The following SLC24A3 variants were observed in gnomAD, a reference collection of about 807,000 sequenced individuals.
SLC24A3 encodes the protein solute carrier family 24 member 3.
In SLC24A3, 28 loss-of-function variants were observed where a neutral mutation model predicts 75.8. The ratio of observed to expected loss-of-function variants is 0.37; its 90% CI spans 0.27 to 0.51. The LOEUF is 0.51. Among genes scored for constraint, SLC24A3 ranks in the 20% least tolerant of loss-of-function variants. The pLI, the probability that SLC24A3 is intolerant of heterozygous loss-of-function variation, is 0.94. For synonymous variants in SLC24A3, 372 were observed against 334.1 expected (o/e 1.11, Z -1.24); for missense variants, 663 against 847.8 (o/e 0.78, Z 2.71).
At chr20:19,560,206 T>C (rs866406475) in intron 3 of SLC24A3, among the ~76,000 whole-genome samples, 2 of 152,140 alleles carry the variant, frequency 1.3e-5, no homozygotes, top group Admixed American at 6.6e-5. Flanking sequence ...ATTAAAGAGC[T>C]GATAACACTG....
intron 2 of SLC24A3, among the ~76,000 whole-genome samples, chr20:19,363,378 C>G (rs1241811494): frequency 6.6e-6 from 1 of 152,240 alleles, no homozygotes; most frequent in Non-Finnish European, 1.5e-5. Context: ...CATTGGACAG[C>G]TTTATGCAGA....
intron 2 of SLC24A3, among the ~76,000 whole-genome samples, chr20:19,328,194 G>C (rs2122288518): frequency 6.6e-6 from 1 of 152,192 alleles, no homozygotes; most frequent in East Asian, 1.9e-4. Flanking sequence ...GGCACAGAGG[G>C]TCAGTGTGGC....
intron 2 of SLC24A3, among the ~76,000 whole-genome samples, chr20:19,309,896 C>T (rs6035289): frequency 0.15 from 23,435 of 152,056 alleles, 4,425 homozygotes; most frequent in African/African-American, 0.43. Context: ...CAAGCTTTCA[C>T]GCCCCAGGAG....
intron 2 of SLC24A3, among the ~76,000 whole-genome samples, chr20:19,509,731 G>A (rs16980708): frequency 0.015 from 2,226 of 152,326 alleles, 61 homozygotes; most frequent in African/African-American, 0.051. Flanking sequence ...TCATCCCACT[G>A]AGACTTATCA....
At chr20:19,481,587 C>T (rs527404058) in intron 2 of SLC24A3, among the ~76,000 whole-genome samples, 13 of 152,102 alleles carry the variant, frequency 8.5e-5, no homozygotes, top group East Asian at 1.9e-4. Context: ...CACAAGTCTA[C>T]GAAAGGACTA....
chr20:19,397,504 C>T (rs983340684), intron 2 of SLC24A3, among the ~76,000 whole-genome samples: 1 of 152,142 alleles, frequency 6.6e-6, no homozygotes, highest in African/African-American at 2.4e-5. Flanking sequence ...ATCCTAAAAA[C>T]AACTTATTAT....
chr20:19,434,307 C>A (rs148120696), intron 2 of SLC24A3, among the ~76,000 whole-genome samples: 6 of 152,220 alleles, frequency 3.9e-5, no homozygotes, highest in Non-Finnish European at 1.5e-5. Flanking sequence ...CACTCCGCAG[C>A]GAGGGCTTGG....
intron 6 of SLC24A3, among the ~76,000 whole-genome samples, chr20:19,642,975 TG>T (rs1360335236): frequency 1.3e-5 from 2 of 152,204 alleles, no homozygotes; most frequent in Admixed American, 6.6e-5. Flanking sequence ...GTGTTCGATT[TG>T]CCCTGGCTGC....
rs147327845 is a variant in SLC24A3 at position 19,686,660 on chromosome 20, G to A, written c.1324+1299G>A. Among the ~76,000 whole-genome samples the A allele has an allele frequency of 6.0e-3, 914 of 152,282 alleles. 11 individuals are homozygous for A. The highest frequency in any genetic ancestry group is 0.021 in the African/African-American group (870 of 41,546). ...AGAGTCCTGTGTTAATTTTGGATGCGCAGGGTCTTGCTGTGCTCCAGGGGA... is the reference window on the plus strand; with the variant it reads ...AGAGTCCTGTGTTAATTTTGGATGCACAGGGTCTTGCTGTGCTCCAGGGGA... On this transcript the variant is annotated intron_variant, in intron 12 of 16. Transcript: ENST00000328041.
chr20:19,509,197 G>T (rs1988501540), intron 2 of SLC24A3, among the ~76,000 whole-genome samples: 1 of 152,240 alleles, frequency 6.6e-6, no homozygotes, highest in Non-Finnish European at 1.5e-5. Flanking sequence ...GCCCGGTGTG[G>T]CACAGAAGGA....
chr20:19,327,664 TGA>T (rs983391167), intron 2 of SLC24A3, among the ~76,000 whole-genome samples: 1 of 152,256 alleles, frequency 6.6e-6, no homozygotes, highest in Non-Finnish European at 1.5e-5. Context: ...GTTACTGACG[TGA>T]GCTTGTCTGC....
chr20:19,550,676 T>C (rs960191804), intron 3 of SLC24A3, among the ~76,000 whole-genome samples: 2 of 152,254 alleles, frequency 1.3e-5, no homozygotes, highest in African/African-American at 4.8e-5. Context: ...TTTGCATATC[T>C]GTGGCCTACT....
intron 6 of SLC24A3, among the ~76,000 whole-genome samples, chr20:19,633,377 C>T (rs1020939511): frequency 6.6e-6 from 1 of 152,048 alleles, no homozygotes; most frequent in Non-Finnish European, 1.5e-5. Flanking sequence ...TGGCCGGGCG[C>T]GGTGGCTCAC....
intron 1 of SLC24A3, among the ~76,000 whole-genome samples, chr20:19,270,849 G>A (rs1983308965): frequency 6.6e-6 from 1 of 152,026 alleles, no homozygotes; most frequent in African/African-American, 2.4e-5. Flanking sequence ...GAGAGAGAGA[G>A]GAAGGGTCTT....
chr20:19,445,655 A>G (rs928311314), intron 2 of SLC24A3, among the ~76,000 whole-genome samples: 4 of 152,224 alleles, frequency 2.6e-5, no homozygotes, highest in African/African-American at 7.2e-5. Flanking sequence ...CGCAACACCC[A>G]TCAGCCATTA....
intron 3 of SLC24A3, among the ~76,000 whole-genome samples, chr20:19,578,422 T>C (rs1015053108): frequency 6.6e-6 from 1 of 151,962 alleles, no homozygotes; most frequent in Non-Finnish European, 1.5e-5. Flanking sequence ...CTCAGGCAAG[T>C]TTTCTCTATA....
At chr20:19,603,305 G>A (rs1187281768) in intron 6 of SLC24A3, among the ~76,000 whole-genome samples, 3 of 152,196 alleles carry the variant, frequency 2.0e-5, no homozygotes, top group Non-Finnish European at 2.9e-5. Flanking sequence ...TGTGGGGTCA[G>A]ACAGCTCAGC....
chr20:19,702,169 T>C (rs2032882266), intron 15 of SLC24A3, among the ~76,000 whole-genome samples: 1 of 152,178 alleles, frequency 6.6e-6, no homozygotes, highest in African/African-American at 2.4e-5. Flanking sequence ...TGATCTCTCC[T>C]CCTTTCCTCC....
chr20:19,219,571 G>T (rs1001620825), intron 1 of SLC24A3, among the ~76,000 whole-genome samples: 2 of 152,068 alleles, frequency 1.3e-5, no homozygotes, highest in African/African-American at 4.8e-5. Flanking sequence ...GGAGGCTGTG[G>T]TGGTCAGGAA....
Sources: gnomAD v4.1 joint callset for allele counts (sites outside exome capture counted in the v4.1 genomes callset) on GRCh38, gnomAD v4.1.1 for gene constraint, MANE v1.5 for transcripts, NCBI Gene and HGNC (gene_info 2026-07-23, HGNC 2026-07-21) for gene names.